The following FHAD1 variants were observed in gnomAD, a reference collection of about 807,000 sequenced individuals.
The protein encoded by FHAD1 is forkhead associated phosphopeptide binding domain 1, also known as forkhead-associated domain-containing protein 1.
FHAD1 carries 146 observed loss-of-function variants against 191.3 expected under a neutral mutation model. That is an observed-to-expected ratio of 0.76 (90% CI 0.67 to 0.88). FHAD1 has a LOEUF of 0.88. Among genes scored for constraint, FHAD1 ranks in the 40% least tolerant of loss-of-function variants. The pLI, the probability that FHAD1 is intolerant of heterozygous loss-of-function variation, is 0.00. For synonymous variants in FHAD1, 616 were observed against 672.3 expected (o/e 0.92, Z 1.29); for missense variants, 1,635 against 1,785.8 (o/e 0.92, Z 1.52).
In FHAD1 at chr1:15,367,449, C is replaced by A; in HGVS notation, c.3155-14C>A. ...AGGCAGAGACCCCCTTACCGGCCCT[C>A]CTGTCACTCGCAGGGGAGCTAAACG... is the stretch of plus-strand genomic sequence containing the variant. On this transcript the variant is annotated splice_polypyrimidine_tract_variant and intron_variant, in intron 24 of 33. Transcript: ENST00000688493. 2 of 1,549,816 alleles carry A rather than the reference C, an allele frequency of 1.3e-6. No individual in the cohort carries two copies. The highest frequency in any genetic ancestry group is 1.7e-6 in the Non-Finnish European group (2 of 1,145,834).
chr1:15,314,785 ATG>A (rs1314400254), intron 8 of FHAD1, among the ~76,000 whole-genome samples: 2 of 64,490 alleles, frequency 3.1e-5, no homozygotes, highest in Non-Finnish European at 6.3e-5. Flanking sequence ...GGGGGTATGG[ATG>A]TGTGGTGTGG....
chr1:15,375,415 C>T (rs2102903398), intron 27 of FHAD1, among the ~76,000 whole-genome samples, 188 bp from the exon 28 acceptor site: 1 of 152,244 alleles, frequency 6.6e-6, no homozygotes, highest in South Asian at 2.1e-4. Context: ...GTGGCTGCAG[C>T]CTCCTATGAG....
At chr1:15,340,338 T>C (rs1451823284) in intron 15 of FHAD1, among the ~76,000 whole-genome samples, 1 of 152,222 alleles carries the variant, frequency 6.6e-6, no homozygotes, top group Non-Finnish European at 1.5e-5. Flanking sequence ...TGCTATTTAC[T>C]CCTCACGTGT....
intron 5 of FHAD1, among the ~76,000 whole-genome samples, chr1:15,300,536 C>G (rs570885091): frequency 6.6e-6 from 1 of 152,150 alleles, no homozygotes; most frequent in East Asian, 1.9e-4. Flanking sequence ...ACCTTTCCTT[C>G]GTCCCCAGAT....
intron 3 of FHAD1, among the ~76,000 whole-genome samples, chr1:15,283,037 C>G (rs975026690): frequency 6.6e-6 from 1 of 152,208 alleles, no homozygotes; most frequent in Non-Finnish European, 1.5e-5. Context: ...GGCAGTGCGC[C>G]CAGAGTAGCA....
At chr1:15,360,394 C>T in intron 21 of FHAD1, 84 bp from the exon 22 acceptor site, 3 of 1,249,160 alleles carry the variant, frequency 2.4e-6, no homozygotes, top group Non-Finnish European at 3.4e-6. Context: ...CAGTTTAGCA[C>T]CTATGTGTGT....
intron 10 of FHAD1, among the ~76,000 whole-genome samples, chr1:15,323,432 G>A (rs1167090986): frequency 6.6e-6 from 1 of 152,144 alleles, no homozygotes; most frequent in Admixed American, 6.5e-5. Context: ...GGAAACTGAG[G>A]CCCAGCGAGC....
At chr1:15,389,460 A>AAAAAACAAAAAAAAC (rs1198285983) in intron 32 of FHAD1, among the ~76,000 whole-genome samples, 14 of 151,062 alleles carry the variant, frequency 9.3e-5, no homozygotes, top group African/African-American at 3.4e-4. Context: ...AAAAAAAAAA[A>AAAAAACAAAAAAAAC]AAAAAAAACC....
chr1:15,299,257 T>C (rs1279001247), intron 5 of FHAD1, among the ~76,000 whole-genome samples: 2 of 149,748 alleles, frequency 1.3e-5, no homozygotes, highest in Admixed American at 6.6e-5. Flanking sequence ...ATTTATTGTC[T>C]TATCTTATTG....
chr1:15,279,282 T>G (rs1329710615), intron 3 of FHAD1, among the ~76,000 whole-genome samples: 1 of 152,176 alleles, frequency 6.6e-6, no homozygotes, highest in East Asian at 1.9e-4. Context: ...TTTTACTGTT[T>G]GCAAGTGTCA....
chr1:15,395,361 G>A (rs936275092), intron 33 of FHAD1, among the ~76,000 whole-genome samples: 6 of 150,610 alleles, frequency 4.0e-5, no homozygotes, highest in Admixed American at 3.3e-4. Context: ...CCCAGGCATC[G>A]TCTCTCTCGT....
chr1:15,355,208 CA>C (rs58614945), intron 20 of FHAD1, among the ~76,000 whole-genome samples: 2,502 of 100,506 alleles, frequency 0.025, 53 homozygotes, highest in African/African-American at 0.069. Context: ...GACTCCTTCT[CA>C]AAAAAAAAAA....
chr1:15,238,648 A>G lies in FHAD1; in HGVS notation c.-15+1887A>G, dbSNP rs1006065186. ...CACTTCCTAAACCCTGCCAAGCACC[A>G]CAGAGCCTTGTACACAGCCCCTGTG... On this transcript the variant is annotated intron_variant, in intron 1 of 33. Coordinates refer to the FHAD1 transcript ENST00000683790. Among the ~76,000 whole-genome samples, 8 of 152,302 alleles carry G rather than the reference A, an allele frequency of 5.3e-5. No homozygotes were observed. In the South Asian group the frequency reaches 1.7e-3, roughly 32 times the overall value.
intron 23 of FHAD1, chr1:15,363,603 A>G: frequency 2.8e-6 from 1 of 353,730 alleles, no homozygotes. Flanking sequence ...GCCCACTCAC[A>G]GGTGTTATTA....
intron 28 of FHAD1, among the ~76,000 whole-genome samples, chr1:15,376,084 T>G (rs1699553107): frequency 7.3e-6 from 1 of 136,752 alleles, no homozygotes; most frequent in Non-Finnish European, 1.6e-5. Context: ...TTTATTTTTT[T>G]ATTTATTTTT....
chr1:15,240,734 G>C (rs1269080118), intron 1 of FHAD1, among the ~76,000 whole-genome samples: 1 of 151,770 alleles, frequency 6.6e-6, no homozygotes, highest in Non-Finnish European at 1.5e-5. Context: ...CGAGGAGGGT[G>C]GATCACAAGG....
chr1:15,331,900 C>T lies in FHAD1; in HGVS notation c.1906+2359C>T, dbSNP rs575262903. ...AAGCTCATGACCTACATGAAAGTAA[C>T]GAGAGAGAAGGGAAAGAGCACAGGG... On this transcript the variant is annotated intron_variant, in intron 14 of 33. Transcript: ENST00000688493. Among the ~76,000 whole-genome samples, 10 of 152,048 alleles carry T rather than the reference C, an allele frequency of 6.6e-5. No homozygotes were observed. In the East Asian group the frequency reaches 9.6e-4, roughly 15 times the overall value.
chr1:15,262,944 A>G (rs1252977184), intron 2 of FHAD1, among the ~76,000 whole-genome samples: 1 of 152,210 alleles, frequency 6.6e-6, no homozygotes, highest in African/African-American at 2.4e-5. Context: ...AGGGTTTAAC[A>G]TCTCCACGTC....
intron 10 of FHAD1, among the ~76,000 whole-genome samples, chr1:15,319,498 C>T (rs1222307714): frequency 1.3e-5 from 2 of 152,104 alleles, no homozygotes; most frequent in African/African-American, 4.8e-5. Context: ...CAGTAGCTCA[C>T]GCCTGTAATC....
Sources: gnomAD v4.1 joint callset for allele counts (sites outside exome capture counted in the v4.1 genomes callset) on GRCh38, gnomAD v4.1.1 for gene constraint, MANE v1.5 for transcripts, NCBI Gene and HGNC (gene_info 2026-07-23, HGNC 2026-07-21) for gene names.